Variants in TRAF5 observed in about 807,000 individuals in gnomAD.
TRAF5 encodes the protein TNF receptor associated factor 5.
TRAF5 carries 48 observed loss-of-function variants against 64.5 expected under a neutral mutation model. The ratio of observed to expected loss-of-function variants is 0.74; its 90% confidence interval spans 0.59 to 0.95. TRAF5 has a LOEUF of 0.95. Among genes scored for constraint, TRAF5 ranks in the 40% least tolerant of loss-of-function variants. TRAF5 has a pLI of 0.00. For missense variants in TRAF5, 545 were observed against 662.8 expected, an observed-to-expected ratio of 0.82 and a Z score of 1.95; for synonymous variants, 206 against 240.5, an observed-to-expected ratio of 0.86 and a Z score of 1.33.
chr1:211,339,566 C>G (rs1702390536), intron 1 of TRAF5, among the ~76,000 whole-genome samples: 1 of 152,190 alleles, frequency 6.6e-6, no homozygotes, highest in African/African-American at 2.4e-5. Flanking sequence ...TCCCCCAGTT[C>G]TACCTACTTC....
At chr1:211,364,350 G>A (rs1271594769) in intron 7 of TRAF5, among the ~76,000 whole-genome samples, 1 of 152,216 alleles carries the variant, frequency 6.6e-6, no homozygotes, top group Admixed American at 6.5e-5. Flanking sequence ...GAGGCAGCAT[G>A]GAAATGTGCT....
At position 211,361,152 on chromosome 1, in the gene TRAF5, G is replaced by C; in HGVS notation, c.686G>C (p.Cys229Ser). Residue 229 changes from cysteine to serine, a missense_variant, in exon 7 of 11, where the codon TGT becomes TCT. Transcript: ENST00000261464. ...EQDCPFKHYG[C>S]AVTDKRRNLQ... ...GACTGTCCTTTTAAGCACTATGGCT[G>C]TGCTGTAACGGTATGGAATGACTTT... is the stretch of plus-strand genomic sequence containing the variant. 1 of 1,614,150 alleles carries C rather than the reference G, an allele frequency of 6.2e-7. No individual in the cohort carries two copies. The highest frequency in any genetic ancestry group is 1.7e-5 in the Admixed American group (1 of 60,026).
At chr1:211,362,464 G>C (rs555817448) in intron 7 of TRAF5, among the ~76,000 whole-genome samples, 1 of 152,254 alleles carries the variant, frequency 6.6e-6, no homozygotes, top group South Asian at 2.1e-4. Flanking sequence ...TGGATCATTT[G>C]AAGTCAGGAG....
In TRAF5 at chr1:211,354,324, A is replaced by G. The variant is rs1286548970; in HGVS notation, c.219-86A>G. On this transcript the variant is annotated intron_variant, in intron 2 of 10. Transcript: ENST00000261464. Reference sequence around the variant, plus strand: ...CAGGGACCAGCCTGCCCAGGGCTAGAGCATGGCTGGAGCCCTGGGGCTGGT... The same window carrying G: ...CAGGGACCAGCCTGCCCAGGGCTAGGGCATGGCTGGAGCCCTGGGGCTGGT... The G allele has an allele frequency of 9.0e-6, 12 of 1,328,908 alleles. No homozygotes were observed. The Middle Eastern group carries it at 7.4e-4, about 81-fold the overall frequency. 82.3% of individuals were successfully genotyped at this position (1,328,908 alleles called of 1,614,324 possible). A position where few individuals can be genotyped will look rare whatever the true frequency, so the allele number is the denominator to read the frequency against.
At chr1:211,345,142 C>G (rs897794581) in intron 1 of TRAF5, among the ~76,000 whole-genome samples, 1 of 152,134 alleles carries the variant, frequency 6.6e-6, no homozygotes. Flanking sequence ...GTCTTGAACT[C>G]CCGACCTCAG....
At chr1:211,356,712 T>G (rs1702981338) in intron 4 of TRAF5, 2 of 375,762 alleles carry the variant, frequency 5.3e-6, no homozygotes, top group Non-Finnish European at 4.9e-6. Context: ...TAGACCTTAA[T>G]TGTGTGGTAG....
chr1:211,345,595 G>A (rs1420895117), intron 1 of TRAF5, among the ~76,000 whole-genome samples: 1 of 152,216 alleles, frequency 6.6e-6, no homozygotes, highest in East Asian at 1.9e-4. Context: ...TTTAAGCCCA[G>A]GACCCATTGG....
chr1:211,336,040 G>A (rs1435778892), intron 1 of TRAF5, among the ~76,000 whole-genome samples: 1 of 152,144 alleles, frequency 6.6e-6, no homozygotes, highest in Non-Finnish European at 1.5e-5. Flanking sequence ...GAGTGGTCAA[G>A]GTTTGTGGAG....
upstream of TRAF5, chr1:211,326,818 C>G (rs556786509): frequency 3.5e-4 from 346 of 984,202 alleles, 4 homozygotes; most frequent in East Asian, 0.016. The surrounding 1 kb of genome is among the most constrained non-coding windows in gnomAD (Gnocchi z 5.0). Context: ...TTCGCCGCCG[C>G]CGCCGGCCGC....
chr1:211,365,529 C>A, intron 8 of TRAF5, 61 bp downstream of exon 8: 3 of 1,308,744 alleles, frequency 2.3e-6, no homozygotes, highest in Non-Finnish European at 3.2e-6. Context: ...TTTACCTGCT[C>A]TATGCTGGTA....
At chr1:211,329,537 C>T (rs575057728) in intron 1 of TRAF5, among the ~76,000 whole-genome samples, 277 of 152,354 alleles carry the variant, frequency 1.8e-3, no homozygotes, top group Non-Finnish European at 2.8e-3. Flanking sequence ...AGGGATGGGG[C>T]AGGACCTAAT....
intron 7 of TRAF5, among the ~76,000 whole-genome samples, chr1:211,364,800 T>C (rs973250730): frequency 6.6e-6 from 1 of 152,220 alleles, no homozygotes; most frequent in Non-Finnish European, 1.5e-5. Context: ...CATAGTCATA[T>C]ACTCCCAGGG....
In TRAF5 at chr1:211,361,124, C is replaced by T. The variant is rs1462456033; in HGVS notation, c.658C>T (p.Gln220Ter). ...EHLAVCPEAE[Q>*]DCPFKHYGCA... ...CCTGGCTGTATGTCCTGAAGCTGAG[C>T]AAGACTGTCCTTTTAAGCACTATGG... Residue 220 changes from glutamine (Q) to a stop codon, truncating the protein, a stop_gained, in exon 7 of 11, where the codon CAA (glutamine) becomes TAA (stop). Transcript: ENST00000261464. LOFTEE classifies it high-confidence loss of function. 1 of 1,614,120 alleles carries T rather than the reference C, an allele frequency of 6.2e-7. No individual in the cohort carries two copies. Among genetic ancestry groups the T allele is most frequent in the Admixed American group, 1.7e-5 (1 of 60,010 alleles).
intron 7 of TRAF5, among the ~76,000 whole-genome samples, chr1:211,362,478 G>C (rs143766053): frequency 6.6e-6 from 1 of 151,990 alleles, no homozygotes. Flanking sequence ...TCAGGAGTTC[G>C]AGAGCAGCCT....
chr1:211,329,092 C>T (rs1260656523), intron 1 of TRAF5, among the ~76,000 whole-genome samples: 2 of 152,198 alleles, frequency 1.3e-5, no homozygotes, highest in African/African-American at 4.8e-5. Flanking sequence ...TCCCCAGCAA[C>T]ATGGAGCAAG....
At chr1:211,330,613 C>T (rs564309143) in intron 1 of TRAF5, among the ~76,000 whole-genome samples, 35 of 152,318 alleles carry the variant, frequency 2.3e-4, no homozygotes, top group African/African-American at 8.4e-4. Flanking sequence ...GAGTGGACAG[C>T]TCTTGCACTC....
intron 1 of TRAF5, among the ~76,000 whole-genome samples, chr1:211,333,712 G>A (rs760357699): frequency 6.6e-6 from 1 of 151,930 alleles, no homozygotes; most frequent in Non-Finnish European, 1.5e-5. Flanking sequence ...TAGCCAGGCT[G>A]GTCTCAACTC....
chr1:211,341,912 C>T (rs1293660784), intron 1 of TRAF5, among the ~76,000 whole-genome samples: 1 of 152,188 alleles, frequency 6.6e-6, no homozygotes, highest in Non-Finnish European at 1.5e-5. Context: ...AATAGCATGT[C>T]AGGCAGTCAG....
At chr1:211,344,529 G>A (rs1277141828) in intron 1 of TRAF5, among the ~76,000 whole-genome samples, 16 of 152,174 alleles carry the variant, frequency 1.1e-4, no homozygotes, top group Admixed American at 1.0e-3. Context: ...TGAGCTCCCA[G>A]CCACATTAGG....
Sources: gnomAD v4.1 joint callset for allele counts (sites outside exome capture counted in the v4.1 genomes callset) on GRCh38, gnomAD v4.1.1 for gene constraint, Gnocchi (gnomAD v3.1) non-coding constraint, MANE v1.5 for transcripts, NCBI Gene and HGNC (gene_info 2026-07-23, HGNC 2026-07-21) for gene names.